KCNH5: variants seen among roughly 807,000 people sequenced by gnomAD.
KCNH5 encodes potassium voltage-gated channel subfamily H member 5.
KCNH5 carries 46 observed loss-of-function variants against 96.1 expected under a neutral mutation model. That is an observed-to-expected ratio of 0.48 (90% CI 0.38 to 0.61). The LOEUF (loss-of-function observed/expected upper bound fraction) is 0.61. KCNH5 is among the 20% of genes least tolerant of loss of function. The pLI is 0.00. For synonymous variants in KCNH5, 439 were observed against 449.8 expected (o/e 0.98, Z 0.30); for missense variants, 907 against 1,225.8 (o/e 0.74, Z 3.88).
chr14:62,709,149 C>T (rs1190312696), intron 10 of KCNH5, among the ~76,000 whole-genome samples: 26 of 143,412 alleles, frequency 1.8e-4, no homozygotes, highest in Admixed American at 1.5e-4. Flanking sequence ...AGGAGAATGG[C>T]GTGAACCCGG....
chr14:62,709,016 C>T (rs12147062), intron 10 of KCNH5, among the ~76,000 whole-genome samples: 132,708 of 151,434 alleles, frequency 0.88, 59,122 homozygotes, highest in East Asian at 1. Flanking sequence ...GAGGCCGAGG[C>T]GGGCGGACCA....
chr14:62,784,094 A>T (rs1216979647), intron 9 of KCNH5, among the ~76,000 whole-genome samples: 1 of 152,172 alleles, frequency 6.6e-6, no homozygotes, highest in African/African-American at 2.4e-5. Context: ...GGTTTAATTG[A>T]CTCACAGTTC....
Position 62,839,570 on chromosome 14 carries a change from AT to A in KCNH5, c.1569+10082del, listed in dbSNP as rs1887533550. ...AATATGTGATGATTAGTTCAATCAT[AT>A]TTGGGTACCAATATGTTCCTGGATC... On this transcript the variant is annotated intron_variant, in intron 8 of 10. Coordinates refer to ENST00000322893, the MANE Select transcript of KCNH5 (RefSeq NM_139318.5). Among the ~76,000 whole-genome samples, 7 of 127,254 alleles carry A rather than the reference AT, an allele frequency of 5.5e-5. No homozygotes were observed. In the East Asian group the frequency reaches 1.4e-3, roughly 25 times the overall value. 83.5% of individuals were successfully genotyped at this position (127,254 alleles called of 152,430 possible).
At chr14:62,933,056 G>A (rs1287040520) in intron 7 of KCNH5, among the ~76,000 whole-genome samples, 1 of 152,104 alleles carries the variant, frequency 6.6e-6, no homozygotes, top group Non-Finnish European at 1.5e-5. Flanking sequence ...TGGAGATCAG[G>A]GCTAATGGGA....
chr14:62,894,809 T>C (rs1888779361), intron 7 of KCNH5, among the ~76,000 whole-genome samples: 2 of 152,238 alleles, frequency 1.3e-5, no homozygotes, highest in Non-Finnish European at 2.9e-5. Context: ...TTAAATGCAC[T>C]GAAATTAAAC....
intron 6 of KCNH5, among the ~76,000 whole-genome samples, chr14:62,966,341 T>C (rs1440294946): frequency 1.3e-5 from 2 of 152,156 alleles, no homozygotes; most frequent in African/African-American, 2.4e-5. Flanking sequence ...AGTATTAGCA[T>C]CCTCTTCCAT....
chr14:62,723,052 T>G (rs11158449), intron 10 of KCNH5, among the ~76,000 whole-genome samples: 65,537 of 152,006 alleles, frequency 0.43, 14,594 homozygotes, highest in Non-Finnish European at 0.49. Context: ...ATCTCACAGG[T>G]GGCTTTAGCT....
intron 10 of KCNH5, among the ~76,000 whole-genome samples, chr14:62,716,781 T>C (rs948035031): frequency 3.3e-5 from 5 of 152,106 alleles, no homozygotes; most frequent in African/African-American, 1.2e-4. Flanking sequence ...TAACATTGTA[T>C]TGGGGGGTTC....
chr14:62,708,166 GT>G lies in KCNH5; in HGVS notation c.2308del (p.Thr770ProfsTer32). 1 of 1,614,212 alleles carries G rather than the reference GT, an allele frequency of 6.2e-7. No individual in the cohort carries two copies. Among genetic ancestry groups the G allele is most frequent in the East Asian group, 2.2e-5 (1 of 44,886 alleles). On this transcript the variant is annotated frameshift_variant, in exon 11 of 11. Transcript: ENST00000322893. LOFTEE classifies it high-confidence loss of function. ...GTTGTTCTGCTTAAGGGATTCACTGGTTTTCACATAGGCCAGAGACGTCTGA... is the reference window on the plus strand; with the variant it reads ...GTTGTTCTGCTTAAGGGATTCACTGGTTTCACATAGGCCAGAGACGTCTGA... ...PIQTSLAYVK[T>X]SESLKQNNRD...
chr14:62,921,888 A>G (rs1231592620), intron 7 of KCNH5, among the ~76,000 whole-genome samples: 1 of 152,116 alleles, frequency 6.6e-6, no homozygotes, highest in Non-Finnish European at 1.5e-5. Flanking sequence ...ACAGGAACAG[A>G]CACATAGGGG....
chr14:62,968,951 C>T (rs980085634), intron 6 of KCNH5, among the ~76,000 whole-genome samples: 27 of 152,148 alleles, frequency 1.8e-4, no homozygotes, highest in African/African-American at 6.5e-4. Context: ...AGATGAAAGA[C>T]GAGTAATCCA....
intron 3 of KCNH5, among the ~76,000 whole-genome samples, chr14:63,004,738 G>A (rs1437619016): frequency 6.6e-6 from 1 of 152,144 alleles, no homozygotes; most frequent in East Asian, 1.9e-4. Flanking sequence ...CTGAGTAGCT[G>A]GGACTATAGG....
rs79827478 is a variant in KCNH5 at position 62,727,775 on chromosome 14, T to TAA, written c.2020-19322_2020-19321dup. 2.2e-3 allele frequency among the ~76,000 whole-genome samples: 255 copies of TAA among 116,024 alleles called. 1 individual carries two copies. Among genetic ancestry groups the TAA allele is most frequent in the African/African-American group, 6.8e-3 (213 of 31,192 alleles). The allele number at this position is 116,024 out of a possible 152,430, so 76.1% of individuals were successfully genotyped here. A position where few individuals can be genotyped will look rare whatever the true frequency, so the allele number is the denominator to read the frequency against. Reference sequence around the variant, plus strand: ...AATAACGACACTGCTTACAGTCTGGTAAAAAAAAAAAAAAAAAGCAGGAGA... The same window carrying TAA: ...AATAACGACACTGCTTACAGTCTGGTAAAAAAAAAAAAAAAAAAAGCAGGAGA... On this transcript the variant is annotated intron_variant, in intron 10 of 10. Coordinates refer to ENST00000322893, the MANE Select transcript of KCNH5 (RefSeq NM_139318.5).
intron 7 of KCNH5, among the ~76,000 whole-genome samples, chr14:62,899,882 G>A (rs1888891635): frequency 6.6e-6 from 1 of 151,970 alleles, no homozygotes; most frequent in African/African-American, 2.4e-5. Flanking sequence ...TCTTGGAACA[G>A]GACCTTGTGT....
intron 2 of KCNH5, among the ~76,000 whole-genome samples, chr14:63,009,850 A>G (rs1891192941): frequency 6.6e-6 from 1 of 152,192 alleles, no homozygotes; most frequent in African/African-American, 2.4e-5. Context: ...CTGAAGCTCA[A>G]TGCAGTCTTT....
chr14:62,764,500 A>C (rs1311746061), intron 10 of KCNH5, among the ~76,000 whole-genome samples: 1 of 152,172 alleles, frequency 6.6e-6, no homozygotes, highest in Admixed American at 6.5e-5. Context: ...CCTATTCACC[A>C]CAGCACTGGA....
chr14:62,729,928 C>T (rs1372442818), intron 10 of KCNH5, among the ~76,000 whole-genome samples: 1 of 152,116 alleles, frequency 6.6e-6, no homozygotes, highest in African/African-American at 2.4e-5. Flanking sequence ...GAAAGGCTGT[C>T]CACCAAACAC....
At chr14:62,984,083 A>G (rs920460233) in intron 5 of KCNH5, among the ~76,000 whole-genome samples, 5 of 152,218 alleles carry the variant, frequency 3.3e-5, no homozygotes, top group African/African-American at 1.2e-4. Flanking sequence ...GGGCTCTTTC[A>G]TAAAACAGTA....
intron 7 of KCNH5, among the ~76,000 whole-genome samples, chr14:62,869,016 T>C (rs1179635096): frequency 1.3e-5 from 2 of 152,248 alleles, no homozygotes; most frequent in East Asian, 1.9e-4. Flanking sequence ...TGTGTCTTTA[T>C]AGTAGAATGA....
Sources: gnomAD v4.1 joint callset for allele counts (sites outside exome capture counted in the v4.1 genomes callset) on GRCh38, gnomAD v4.1.1 for gene constraint, MANE v1.5 for transcripts, NCBI Gene and HGNC (gene_info 2026-07-23, HGNC 2026-07-21) for gene names.